Variants in DOCK8 observed in about 807,000 individuals in gnomAD.
DOCK8 encodes dedicator of cytokinesis protein 8.
DOCK8 carries 141 observed loss-of-function variants against 245.6 expected under a neutral mutation model. The ratio of observed to expected loss-of-function variants is 0.57; its 90% confidence interval spans 0.50 to 0.66. The LOEUF is 0.66. DOCK8 is among the 30% of genes least tolerant of loss of function. The pLI is 0.00. For missense variants in DOCK8, 2,965 were observed against 2,603.4 expected (o/e 1.14, Z -3.02); for synonymous variants, 1,168 against 970.2 (o/e 1.20, Z -3.79).
At chr9:258,591 T>C (rs2047835135) in intron 1 of DOCK8, among the ~76,000 whole-genome samples, 1 of 122,252 alleles carries the variant, frequency 8.2e-6, no homozygotes, top group Admixed American at 1.0e-4. Context: ...CTGAAGAGAC[T>C]CTTTTTTTTT....
At chr9:248,535 TTCTTTCTTTCTTTCTCTCTCTCTC>T (rs756259792) in intron 1 of DOCK8, among the ~76,000 whole-genome samples, 13,347 of 88,170 alleles carry the variant, frequency 0.15, 784 homozygotes, top group African/African-American at 0.22. Context: ...CTCTCTCTCT[TTCTTTCTTTCTTTCTCTCTCTCTC>T]TCTTTCTTTC....
intron 14 of DOCK8, among the ~76,000 whole-genome samples, chr9:349,076 T>C (rs999799279): frequency 6.6e-6 from 1 of 152,164 alleles, no homozygotes; most frequent in Non-Finnish European, 1.5e-5. Context: ...TCAGGCAAAA[T>C]ATGAGATGCT....
Position 420,978 on chromosome 9 carries a change from C to G in DOCK8, c.4053C>G (p.Thr1351=), listed in dbSNP as rs745839960. 3.7e-6 allele frequency: 6 copies of G among 1,614,172 alleles called. No homozygotes were observed. In the South Asian group the frequency reaches 6.6e-5, roughly 18 times the overall value. The change falls in exon 32 of 48, where the codon ACC becomes ACG. Residue 1351 remains threonine, a synonymous_variant. Transcript: ENST00000432829. The part of the protein sequence containing the change: ...KGKQSSDKVS[T]QVLQKSRDVK... ...AACAGAGTTCTGACAAAGTCAGTAC[C>G]CAAGTCCTGCAGAAGTCAAGGGATG...
intron 2 of DOCK8, among the ~76,000 whole-genome samples, chr9:282,792 T>C (rs1318999722): frequency 6.6e-6 from 1 of 152,174 alleles, no homozygotes; most frequent in East Asian, 1.9e-4. Flanking sequence ...ACAAATGTCA[T>C]ATCTCCATGA....
intron 12 of DOCK8, among the ~76,000 whole-genome samples, chr9:337,021 A>T (rs1326380182): frequency 6.6e-6 from 1 of 152,088 alleles, no homozygotes; most frequent in Non-Finnish European, 1.5e-5. Context: ...GCAGCTGAGC[A>T]TGCTAGCTCA....
chr9:237,810 A>C (rs1300971815), intron 1 of DOCK8, among the ~76,000 whole-genome samples: 1 of 152,228 alleles, frequency 6.6e-6, no homozygotes, highest in Admixed American at 6.5e-5. Flanking sequence ...AAAATATTTT[A>C]GGAAAAACCA....
At chr9:461,757 GTCTTTAACTT>G (rs2057813583) in intron 46 of DOCK8, among the ~76,000 whole-genome samples, 1 of 151,642 alleles carries the variant, frequency 6.6e-6, no homozygotes, top group Non-Finnish European at 1.5e-5. Context: ...GCCCAGTCTA[GTCTTTAACTT>G]GTGAGCTCAG....
chr9:292,237 G>A (rs1202993457), intron 4 of DOCK8, among the ~76,000 whole-genome samples: 1 of 150,668 alleles, frequency 6.6e-6, no homozygotes, highest in Non-Finnish European at 1.5e-5. Context: ...GGGCATGGTG[G>A]TGCATGTCTG....
chr9:384,438 C>T (rs1196362011), intron 22 of DOCK8, among the ~76,000 whole-genome samples: 1 of 152,170 alleles, frequency 6.6e-6, no homozygotes, highest in Non-Finnish European at 1.5e-5. Flanking sequence ...CAAATTCCAG[C>T]CACTTGACAC....
Position 289,545 on chromosome 9 carries a change from A to G in DOCK8, c.368A>G (p.Gln123Arg), listed in dbSNP as rs1248253423. The G allele has an allele frequency of 1.2e-6, 2 of 1,613,224 alleles. No individual in the cohort carries two copies. Among genetic ancestry groups the G allele is most frequent in the Non-Finnish European group, 1.7e-6 (2 of 1,179,540 alleles). The change falls in exon 4 of 48, where the codon CAG (glutamine) becomes CGG (arginine). Residue 123 changes from glutamine to arginine, a missense_variant. Physicochemically the swap from Gln to Arg is conservative, Grantham distance 43. This residue lies in a region of DOCK8 where 2,825 missense variants were observed against 2,453.5 expected (regional missense o/e 1.15). Coordinates refer to ENST00000432829, the MANE Select transcript of DOCK8 (RefSeq NM_203447.4). ...ELDPHVRDCV[Q>R]TYIREWLIVN... ...GACCCTCATGTCAGGGACTGTGTTC[A>G]GACCTACATCCGTGAGTGGCTAATC...
At chr9:376,780 T>C (rs1464191995) in intron 19 of DOCK8, among the ~76,000 whole-genome samples, 197 bp from the exon 20 acceptor site, 1 of 152,232 alleles carries the variant, frequency 6.6e-6, no homozygotes, top group Non-Finnish European at 1.5e-5. Context: ...TAATAATTAT[T>C]GAAACGTTCA....
intron 5 of DOCK8, among the ~76,000 whole-genome samples, chr9:308,624 A>G (rs185179582): frequency 3.3e-5 from 5 of 152,316 alleles, no homozygotes; most frequent in Admixed American, 2.0e-4. Context: ...CATATTAGCA[A>G]TATACTGTGA....
intron 2 of DOCK8, among the ~76,000 whole-genome samples, chr9:272,611 T>G (rs954598335): frequency 6.6e-6 from 1 of 152,164 alleles, no homozygotes; most frequent in Admixed American, 6.5e-5. Flanking sequence ...GGTCTTGAAC[T>G]CCTGGGCTCA....
At chr9:240,148 T>G (rs2131408795) in intron 1 of DOCK8, among the ~76,000 whole-genome samples, 1 of 152,332 alleles carries the variant, frequency 6.6e-6, no homozygotes, top group South Asian at 2.1e-4. Flanking sequence ...TTAAAGATAT[T>G]TTTACTTATA....
In DOCK8 at chr9:437,792, T is replaced by G. The variant is rs565203386; in HGVS notation, c.5080-1453T>G. Among the ~76,000 whole-genome samples the G allele has an allele frequency of 4.6e-5, 7 of 152,342 alleles. No homozygotes were observed. The South Asian group carries it at 1.4e-3, about 32-fold the overall frequency. On this transcript the variant is annotated intron_variant, in intron 39 of 47. Transcript: ENST00000432829. ...AAATTCTGTGTCCCAGAGTGCAATA[T>G]TTATTTCACAACTGTAGATACGGAC...
Position 286,637 on chromosome 9 carries a change from GTAAA to G in DOCK8, c.332+4_332+7del, listed in dbSNP as rs759319822. 1.5e-5 allele frequency: 24 copies of G among 1,613,672 alleles called. No individual in the cohort carries two copies. In the South Asian group the frequency reaches 2.5e-4, roughly 17 times the overall value. On this transcript the variant is annotated splice_donor_variant and splice_donor_5th_base_variant and intron_variant, in intron 3 of 47. Coordinates refer to ENST00000432829, the MANE Select transcript of DOCK8 (RefSeq NM_203447.4). LOFTEE classifies it high-confidence loss of function. ...TGCAGCCCTCTTTGCCGGAGGAAGG[GTAAA>G]TAGTTTTCTAAAATGTAGATGTGAT...
chr9:300,072 C>T (rs576594538), intron 4 of DOCK8, among the ~76,000 whole-genome samples: 154 of 151,236 alleles, frequency 1.0e-3, no homozygotes, highest in Non-Finnish European at 1.4e-3. Flanking sequence ...TTGAATTAGT[C>T]ACCAAGCTAG....
chr9:224,632 G>T (rs2046953558), intron 1 of DOCK8, among the ~76,000 whole-genome samples: 1 of 152,180 alleles, frequency 6.6e-6, no homozygotes, highest in South Asian at 2.1e-4. Context: ...TTCTTTGGCA[G>T]ACCTTTTTGA....
intron 28 of DOCK8, among the ~76,000 whole-genome samples, chr9:409,983 G>A (rs2055643692): frequency 6.6e-6 from 1 of 152,064 alleles, no homozygotes; most frequent in African/African-American, 2.4e-5. Flanking sequence ...CTTTGCTATT[G>A]TGAATAGTGC....
Sources: gnomAD v4.1 joint callset for allele counts (sites outside exome capture counted in the v4.1 genomes callset) on GRCh38, gnomAD v4.1.1 for gene constraint, gnomAD v4.1.1 regional missense constraint, MANE v1.5 for transcripts, NCBI Gene and HGNC (gene_info 2026-07-23, HGNC 2026-07-21) for gene names.